Variants in SCHIP1 observed in about 807,000 individuals in gnomAD.
SCHIP1 encodes schwannomin interacting protein 1.
In SCHIP1, 8 loss-of-function variants were observed where a neutral mutation model predicts 29.7. That is an observed-to-expected ratio of 0.27 (90% confidence interval 0.16 to 0.49). The LOEUF (loss-of-function observed/expected upper bound fraction) is 0.49. Among genes scored for constraint, SCHIP1 ranks in the 20% least tolerant of loss-of-function variants. The pLI, the probability that SCHIP1 is intolerant of heterozygous loss-of-function variation, is 0.99. For missense variants in SCHIP1, 193 were observed against 294.6 expected, an observed-to-expected ratio of 0.66 and a Z score of 2.52; for synonymous variants, 76 against 94.9, an observed-to-expected ratio of 0.80 and a Z score of 1.16.
At chr3:159,483,288 T>C in the SCHIP1 span, among the ~76,000 whole-genome samples, 1 of 152,170 alleles carries the variant, frequency 6.6e-6, no homozygotes, top group Non-Finnish European at 1.5e-5. Context: ...TCATTTGCTT[T>C]ACTGGGTCTA....
the SCHIP1 span, among the ~76,000 whole-genome samples, chr3:159,582,821 T>A: frequency 1.3e-5 from 1 of 74,358 alleles, no homozygotes. Flanking sequence ...CACACACACA[T>A]TCAAAAATAT....
the SCHIP1 span, among the ~76,000 whole-genome samples, chr3:159,754,498 A>G: frequency 6.6e-6 from 1 of 152,194 alleles, no homozygotes; most frequent in Non-Finnish European, 1.5e-5. Context: ...TTGGAAGTTT[A>G]TTTAAATATC....
chr3:159,715,414 A>T, the SCHIP1 span, among the ~76,000 whole-genome samples: 1 of 152,242 alleles, frequency 6.6e-6, no homozygotes, highest in Non-Finnish European at 1.5e-5. Flanking sequence ...ACGAGTTGAG[A>T]GAAGAAGGCT....
chr3:159,288,858 T>G, the SCHIP1 span, among the ~76,000 whole-genome samples: 4 of 152,184 alleles, frequency 2.6e-5, no homozygotes, highest in South Asian at 8.3e-4. Context: ...GGTAGTCAGA[T>G]TTTTGTTGCT....
At chr3:159,393,119 A>G in the SCHIP1 span, among the ~76,000 whole-genome samples, 1 of 152,234 alleles carries the variant, frequency 6.6e-6, no homozygotes, top group South Asian at 2.1e-4. Flanking sequence ...TTCTTTTGAG[A>G]AGTATCTGTT....
the SCHIP1 span, among the ~76,000 whole-genome samples, chr3:159,628,325 A>G: frequency 6.6e-6 from 1 of 152,176 alleles, no homozygotes. Context: ...GACAGAATAT[A>G]TTTGGGAAAA....
chr3:159,816,467 G>A, the SCHIP1 span, among the ~76,000 whole-genome samples: 1 of 149,552 alleles, frequency 6.7e-6, no homozygotes, highest in African/African-American at 2.5e-5. Flanking sequence ...AGAGATGGGG[G>A]TCTTGCTTTG....
chr3:159,794,795 G>C, the SCHIP1 span, among the ~76,000 whole-genome samples: 1 of 152,178 alleles, frequency 6.6e-6, no homozygotes, highest in Admixed American at 6.5e-5. Context: ...TAATAAAATG[G>C]TAGGTCTCAC....
the SCHIP1 span, among the ~76,000 whole-genome samples, chr3:159,670,769 C>A: frequency 6.6e-6 from 1 of 152,108 alleles, no homozygotes; most frequent in East Asian, 1.9e-4. Flanking sequence ...TCCTCTCAAA[C>A]AACCCCATCC....
At position 159,882,359 on chromosome 3, in the gene SCHIP1, A is replaced by G. The variant is rs75500700; in HGVS notation, c.150-3848A>G. 3.8e-3 allele frequency among the ~76,000 whole-genome samples: 572 copies of G among 152,322 alleles called. 14 individuals are homozygous for G. In the East Asian group the frequency reaches 0.087, roughly 23 times the overall value. Reference sequence around the variant, plus strand: ...TGGACAGGGGGATAAAAATCTTACCAATGAATCTTGAACATTTATACGTAG... The same window carrying G: ...TGGACAGGGGGATAAAAATCTTACCGATGAATCTTGAACATTTATACGTAG... On this transcript the variant is annotated intron_variant, in intron 2 of 6. Transcript: ENST00000445224.
At chr3:159,486,523 AT>A in the SCHIP1 span, among the ~76,000 whole-genome samples, 3,897 of 152,218 alleles carry the variant, frequency 0.026, 176 homozygotes, top group African/African-American at 0.089. Context: ...CTTGATCTGT[AT>A]GTTTTCTTCT....
At chr3:159,866,899 C>CT (rs751710127) in intron 2 of SCHIP1, among the ~76,000 whole-genome samples, 4 of 152,054 alleles carry the variant, frequency 2.6e-5, no homozygotes, top group Non-Finnish European at 4.4e-5. Flanking sequence ...AAAAACAGTG[C>CT]TATAGGCCAG....
At chr3:159,724,487 T>C in the SCHIP1 span, among the ~76,000 whole-genome samples, 1 of 152,342 alleles carries the variant, frequency 6.6e-6, no homozygotes, top group South Asian at 2.1e-4. Context: ...TTGATATAGA[T>C]AGTTTTTAGG....
the SCHIP1 span, among the ~76,000 whole-genome samples, chr3:159,508,389 A>C: frequency 1.7e-4 from 26 of 151,906 alleles, no homozygotes; most frequent in African/African-American, 5.8e-4. Flanking sequence ...AGTGGTCTAT[A>C]AATTTTGTTG....
At chr3:159,838,181 T>C (rs1380247362), upstream of SCHIP1, among the ~76,000 whole-genome samples, 1 of 152,232 alleles carries the variant, frequency 6.6e-6, no homozygotes, top group Non-Finnish European at 1.5e-5. Flanking sequence ...CGAATTGAGA[T>C]AGCAATAGCA....
At chr3:159,398,196 C>G in the SCHIP1 span, among the ~76,000 whole-genome samples, 4 of 152,274 alleles carry the variant, frequency 2.6e-5, no homozygotes, top group Non-Finnish European at 4.4e-5. Flanking sequence ...ACACACGGTG[C>G]GCACACCCAC....
At chr3:159,325,518 G>A in the SCHIP1 span, among the ~76,000 whole-genome samples, 31 of 152,152 alleles carry the variant, frequency 2.0e-4, no homozygotes, top group African/African-American at 7.2e-4. Flanking sequence ...TATGAAAGCT[G>A]GAATTGCTTT....
At chr3:159,283,342 G>A in the SCHIP1 span, among the ~76,000 whole-genome samples, 7 of 151,946 alleles carry the variant, frequency 4.6e-5, no homozygotes, top group Non-Finnish European at 1.0e-4. Context: ...CAGTAGAGAC[G>A]AGGTTTCACC....
the SCHIP1 span, among the ~76,000 whole-genome samples, chr3:159,400,764 C>T: frequency 6.6e-6 from 1 of 152,196 alleles, no homozygotes; most frequent in Non-Finnish European, 1.5e-5. Flanking sequence ...CTCCACTTCT[C>T]ATCTTTCCTC....
Sources: gnomAD v4.1 joint callset for allele counts (sites outside exome capture counted in the v4.1 genomes callset) on GRCh38, gnomAD v4.1.1 for gene constraint, MANE v1.5 for transcripts, NCBI Gene and HGNC (gene_info 2026-07-23, HGNC 2026-07-21) for gene names.